The following TBX15 variants were observed in gnomAD, a reference collection of about 807,000 sequenced individuals.
TBX15 encodes T-box transcription factor 15.
A neutral mutation model predicts 53.9 loss-of-function variants in TBX15; 18 were observed. That is an observed-to-expected ratio of 0.33 (90% CI 0.23 to 0.49). The LOEUF (loss-of-function observed/expected upper bound fraction) is 0.49. Ranked by LOEUF, TBX15 falls within the 20% of genes least tolerant of loss-of-function variation. The probability of loss-of-function intolerance (pLI) is 0.98; values close to 1 mark genes in which losing one functional copy is unlikely to be tolerated. For missense variants in TBX15, 692 were observed against 749.5 expected (o/e 0.92, Z 0.90); for synonymous variants, 295 against 278.0 (o/e 1.06, Z -0.61).
chr1:118,964,328 C>A (rs1463943440), intron 1 of TBX15, among the ~76,000 whole-genome samples: 1 of 152,184 alleles, frequency 6.6e-6, no homozygotes, highest in African/African-American at 2.4e-5. Context: ...CATGAATCTT[C>A]CTAAGGCATA....
intron 1 of TBX15, among the ~76,000 whole-genome samples, chr1:118,935,294 T>C (rs919333722): frequency 2.0e-5 from 3 of 152,204 alleles, no homozygotes; most frequent in Non-Finnish European, 4.4e-5. Flanking sequence ...CACAGCTGGT[T>C]ATTTTAATCA....
intron 1 of TBX15, among the ~76,000 whole-genome samples, chr1:118,967,638 G>A (rs1362247298): frequency 1.3e-5 from 2 of 152,134 alleles, no homozygotes; most frequent in Non-Finnish European, 2.9e-5. Flanking sequence ...CACAAGAAGA[G>A]GTTACCCAAA....
At chr1:118,933,775 A>G (rs1156356640) in intron 1 of TBX15, among the ~76,000 whole-genome samples, 1 of 152,180 alleles carries the variant, frequency 6.6e-6, no homozygotes, top group Non-Finnish European at 1.5e-5. Flanking sequence ...TATCATGAAT[A>G]CTGTAAATTT....
chr1:118,972,377 A>T (rs1657259732), intron 1 of TBX15, among the ~76,000 whole-genome samples: 1 of 152,198 alleles, frequency 6.6e-6, no homozygotes, highest in Non-Finnish European at 1.5e-5. Context: ...TTTGGTGCTC[A>T]AGATAGATCT....
Position 118,961,658 on chromosome 1 carries a change from T to G in TBX15, c.205+25933A>C, listed in dbSNP as rs771950488. Among the ~76,000 whole-genome samples, 38 of 152,280 alleles carry G rather than the reference T, an allele frequency of 2.5e-4. 1 individual carries two copies. The highest frequency in any genetic ancestry group is 9.8e-4 in the Admixed American group (15 of 15,288). Reference sequence around the variant, plus strand: ...CCTGAGGCCTAGGGAAGAAAAGTGATTTGCTCAAAATTTCCTATCTAGTAC... The same window carrying G: ...CCTGAGGCCTAGGGAAGAAAAGTGAGTTGCTCAAAATTTCCTATCTAGTAC... On this transcript the variant is annotated intron_variant, in intron 1 of 7. Coordinates refer to ENST00000369429, the MANE Select transcript of TBX15 (RefSeq NM_001330677.2).
intron 1 of TBX15, among the ~76,000 whole-genome samples, chr1:118,966,823 A>G (rs1657048535): frequency 6.6e-6 from 1 of 152,254 alleles, no homozygotes; most frequent in Non-Finnish European, 1.5e-5. Flanking sequence ...CCTGGGACAG[A>G]CAGTACTTTG....
At chr1:118,987,353 C>T (rs1050447983) in intron 1 of TBX15, among the ~76,000 whole-genome samples, 1 of 152,370 alleles carries the variant, frequency 6.6e-6, no homozygotes, top group South Asian at 2.1e-4. Flanking sequence ...AAAAGAAATG[C>T]AAACAAACAG....
intron 6 of TBX15, among the ~76,000 whole-genome samples, chr1:118,906,365 G>T (rs2101536846): frequency 6.6e-6 from 1 of 152,208 alleles, no homozygotes; most frequent in African/African-American, 2.4e-5. Context: ...ATGACAAGTT[G>T]TTTCAGATTT....
chr1:118,988,529 C>T (rs767389116), upstream of TBX15, among the ~76,000 whole-genome samples: 1 of 152,164 alleles, frequency 6.6e-6, no homozygotes, highest in Non-Finnish European at 1.5e-5. Context: ...CCGGTTTCCC[C>T]ATGGGTTACT....
chr1:118,956,803 T>A (rs1161348673), intron 1 of TBX15, among the ~76,000 whole-genome samples: 1 of 149,956 alleles, frequency 6.7e-6, no homozygotes, highest in African/African-American at 2.5e-5. Flanking sequence ...AAAAAAAAAA[T>A]TAGCCGGAAA....
At chr1:118,974,515 G>A (rs559453440) in intron 1 of TBX15, among the ~76,000 whole-genome samples, 2 of 152,308 alleles carry the variant, frequency 1.3e-5, no homozygotes, top group Non-Finnish European at 2.9e-5. Context: ...CCTAAGAGAG[G>A]AAGGTTACTT....
At chr1:118,900,334 AG>A (rs1239654989) in intron 6 of TBX15, among the ~76,000 whole-genome samples, 4 of 152,228 alleles carry the variant, frequency 2.6e-5, no homozygotes, top group Non-Finnish European at 5.9e-5. Context: ...ATGTATTTCC[AG>A]AGTTCTCTTC....
In TBX15 at chr1:118,923,521, T is replaced by G. The variant is rs556249835; in HGVS notation, c.776A>C (p.Lys259Thr). The G allele has an allele frequency of 7.5e-5, 121 of 1,613,980 alleles. No homozygotes were observed. The South Asian group carries it at 1.3e-3, about 17-fold the overall frequency. Residue 259 changes from lysine to threonine, a missense_variant, in exon 5 of 8, where the codon AAG becomes ACG. Coordinates refer to ENST00000369429, the MANE Select transcript of TBX15 (RefSeq NM_001330677.2). ...CACCCCATCCCCAACAGGAACAGGC[T>G]TAGTGGGTGAAAGGTCACTGCTGAA... ...KDFSSDLSPT[K>T]PVPVGDGVKT...
chr1:118,971,600 G>A (rs944566340), intron 1 of TBX15, among the ~76,000 whole-genome samples: 2 of 152,188 alleles, frequency 1.3e-5, no homozygotes, highest in South Asian at 2.1e-4. Flanking sequence ...TATGTTGGAT[G>A]TCATAAGAAA....
chr1:118,936,326 T>C (rs1317951056), intron 1 of TBX15, among the ~76,000 whole-genome samples: 1 of 152,194 alleles, frequency 6.6e-6, no homozygotes, highest in Admixed American at 6.6e-5. Flanking sequence ...TAATAAAAAC[T>C]TAATATCCAA....
chr1:118,912,417 G>A (rs1288354610), intron 6 of TBX15, among the ~76,000 whole-genome samples: 1 of 152,002 alleles, frequency 6.6e-6, no homozygotes, highest in African/African-American at 2.4e-5. Flanking sequence ...TGGAACCCCT[G>A]AAAAATCTAT....
intron 6 of TBX15, among the ~76,000 whole-genome samples, chr1:118,912,320 C>CT (rs11448313): frequency 0.65 from 98,148 of 151,800 alleles, 32,402 homozygotes; most frequent in Middle Eastern, 0.69. Context: ...AACTTTAAGA[C>CT]TTTTTGAAAA....
chr1:118,885,576 T>G, intron 7 of TBX15, 60 bp from the exon 8 acceptor site: 1 of 1,544,866 alleles, frequency 6.5e-7, no homozygotes, highest in Non-Finnish European at 8.7e-7. Context: ...TCTGCCTAAG[T>G]CACATGCAAG....
intron 1 of TBX15, among the ~76,000 whole-genome samples, chr1:118,953,458 A>G (rs2101660855): frequency 6.6e-6 from 1 of 152,316 alleles, no homozygotes; most frequent in South Asian, 2.1e-4. Flanking sequence ...TGGGATCCTC[A>G]GAGCCTCACT....
Sources: gnomAD v4.1 joint callset for allele counts (sites outside exome capture counted in the v4.1 genomes callset) on GRCh38, gnomAD v4.1.1 for gene constraint, MANE v1.5 for transcripts, NCBI Gene and HGNC (gene_info 2026-07-23, HGNC 2026-07-21) for gene names.